The following CSGALNACT2 variants were observed in gnomAD, a reference collection of about 807,000 sequenced individuals.
CSGALNACT2 encodes the protein chondroitin sulfate N-acetylgalactosaminyltransferase 2.
CSGALNACT2 carries 35 observed loss-of-function variants against 55.3 expected under a neutral mutation model. The ratio of observed to expected loss-of-function variants is 0.63; its 90% confidence interval spans 0.48 to 0.84. CSGALNACT2 has a LOEUF of 0.84. CSGALNACT2 is among the 40% of genes least tolerant of loss of function. The pLI, the probability that CSGALNACT2 is intolerant of heterozygous loss-of-function variation, is 0.00. For missense variants in CSGALNACT2, 544 were observed against 657.5 expected (o/e 0.83, Z 1.89); for synonymous variants, 196 against 224.9 (o/e 0.87, Z 1.15).
intron 1 of CSGALNACT2, among the ~76,000 whole-genome samples, chr10:43,145,851 C>G (rs1460913500): frequency 6.6e-6 from 1 of 152,178 alleles, no homozygotes; most frequent in African/African-American, 2.4e-5. Context: ...AGGGGATTTA[C>G]AGACCTGGTC....
chr10:43,142,385 G>T (rs1422303311), intron 1 of CSGALNACT2, among the ~76,000 whole-genome samples: 1 of 151,932 alleles, frequency 6.6e-6, no homozygotes, highest in Non-Finnish European at 1.5e-5. Flanking sequence ...CTAATTTTTA[G>T]TAGAGACGGG....
Position 43,155,315 on chromosome 10 carries a change from T to C in CSGALNACT2, c.166T>C (p.Tyr56His), listed in dbSNP as rs1001338798. 1.2e-6 allele frequency: 2 copies of C among 1,614,002 alleles called. No individual in the cohort carries two copies. The highest frequency in any genetic ancestry group is 1.7e-6 in the Non-Finnish European group (2 of 1,180,020). ...TGTTGGGGAAAATTATGGTAAAGAG[T>C]ATTATCAAGCCCTCCTACAGGAACA... ...GVVGENYGKE[Y>H]YQALLQEQEE... The change falls in exon 2 of 8, where the codon TAT becomes CAT. Residue 56 changes from tyrosine (Y) to histidine (H), a missense_variant. Physicochemically the swap from Tyr to His is moderately conservative, Grantham distance 83. This residue lies in a region of CSGALNACT2 where 374 missense variants were observed against 401.3 expected (regional missense o/e 0.93). Transcript: ENST00000374466.
chr10:43,149,247 G>A (rs138200019), intron 1 of CSGALNACT2, among the ~76,000 whole-genome samples: 4,037 of 152,066 alleles, frequency 0.027, 147 homozygotes, highest in African/African-American at 0.087. Context: ...CACCACACCC[G>A]GCTAATTTTT....
intron 6 of CSGALNACT2, among the ~76,000 whole-genome samples, chr10:43,174,342 G>A (rs576844058): frequency 1.3e-5 from 2 of 152,204 alleles, no homozygotes; most frequent in Admixed American, 1.3e-4. Flanking sequence ...TTCAGACTGT[G>A]CCCACTCTTC....
At chr10:43,146,177 G>T (rs1838743378) in intron 1 of CSGALNACT2, among the ~76,000 whole-genome samples, 1 of 152,230 alleles carries the variant, frequency 6.6e-6, no homozygotes, top group Non-Finnish European at 1.5e-5. Context: ...AAGGAAGCCA[G>T]TGGTGGATCA....
chr10:43,172,327 G>A (rs907355772), intron 6 of CSGALNACT2, among the ~76,000 whole-genome samples: 2 of 151,392 alleles, frequency 1.3e-5, no homozygotes, highest in Non-Finnish European at 2.9e-5. Flanking sequence ...GCTAAAAAGC[G>A]GGAAATAGCG....
intron 6 of CSGALNACT2, among the ~76,000 whole-genome samples, chr10:43,168,601 C>T (rs1375763336): frequency 6.6e-6 from 1 of 151,844 alleles, no homozygotes; most frequent in Admixed American, 6.6e-5. Flanking sequence ...AATATTAGCA[C>T]CATATGATGT....
Position 43,138,547 on chromosome 10 carries a change from A to T in CSGALNACT2, c.-274A>T, listed in dbSNP as rs1285214633. The T allele has an allele frequency of 6.7e-6, 1 of 150,312 alleles. No individual in the cohort carries two copies. The highest frequency in any genetic ancestry group is 1.5e-5 in the Non-Finnish European group (1 of 67,496). 9.3% of individuals were successfully genotyped at this position (150,312 alleles called of 1,614,324 possible). On this transcript the variant is annotated 5_prime_UTR_variant, in exon 1 of 8. Coordinates refer to ENST00000374466, the MANE Select transcript of CSGALNACT2 (RefSeq NM_018590.5). ...GTCCCCGCGGCGCAGGAGGCGGTGG[A>T]GCGCAGAGCGGGCGAGCGCGGTGAG...
intron 1 of CSGALNACT2, among the ~76,000 whole-genome samples, chr10:43,150,132 G>C (rs1233723452): frequency 6.6e-6 from 1 of 152,108 alleles, no homozygotes; most frequent in Admixed American, 6.5e-5. Flanking sequence ...CTCTTGGCCT[G>C]GACTTTTCAT....
At chr10:43,142,867 G>A (rs1286595351) in intron 1 of CSGALNACT2, among the ~76,000 whole-genome samples, 4 of 152,172 alleles carry the variant, frequency 2.6e-5, no homozygotes, top group African/African-American at 9.7e-5. Flanking sequence ...TTCAGGTAGG[G>A]AAGCTAAAAT....
intron 4 of CSGALNACT2, chr10:43,162,914 T>C (rs758899732): frequency 3.0e-6 from 3 of 985,416 alleles, no homozygotes; most frequent in Non-Finnish European, 3.6e-6. Flanking sequence ...TCTCTTTGCC[T>C]TTAGGATACT....
At chr10:43,148,749 T>C (rs1323902202) in intron 1 of CSGALNACT2, among the ~76,000 whole-genome samples, 1 of 152,228 alleles carries the variant, frequency 6.6e-6, no homozygotes, top group East Asian at 1.9e-4. Flanking sequence ...TACAACTGGC[T>C]GAACTCATTT....
chr10:43,180,312 T>C (rs1467130047), intron 7 of CSGALNACT2, among the ~76,000 whole-genome samples: 1 of 152,236 alleles, frequency 6.6e-6, no homozygotes, highest in Non-Finnish European at 1.5e-5. Flanking sequence ...TCAGTCTTTT[T>C]TTTTCTTTGA....
chr10:43,176,807 T>C (rs1320774933), intron 7 of CSGALNACT2, among the ~76,000 whole-genome samples: 1 of 152,202 alleles, frequency 6.6e-6, no homozygotes, highest in African/African-American at 2.4e-5. Context: ...GTTCAAGCAA[T>C]CTGCCCACCT....
At position 43,177,076 on chromosome 10, in the gene CSGALNACT2, G is replaced by C. The variant is rs114769767; in HGVS notation, c.1336+1044G>C. ...TTTGTTTTGGAAATCCCCCCACCTT[G>C]TCTCCTTATCATTGTAACACTTGAA... On this transcript the variant is annotated intron_variant, in intron 7 of 7. Transcript: ENST00000374466. Among the ~76,000 whole-genome samples, 863 of 152,112 alleles carry C rather than the reference G, an allele frequency of 5.7e-3. 11 individuals carry two copies. The highest frequency in any genetic ancestry group is 0.02 in the African/African-American group (821 of 41,492).
chr10:43,162,303 T>C, intron 4 of CSGALNACT2: 1 of 683,218 alleles, frequency 1.5e-6, no homozygotes, highest in Non-Finnish European at 2.4e-6. Flanking sequence ...CCAGCTCCAG[T>C]TGAGAAAATC....
chr10:43,159,335 A>G (rs11238457), intron 3 of CSGALNACT2, among the ~76,000 whole-genome samples: 4,445 of 151,124 alleles, frequency 0.029, 165 homozygotes, highest in East Asian at 0.097. Context: ...GTCTCACTCT[A>G]TCACCCAGGC....
intron 4 of CSGALNACT2, chr10:43,162,696 A>G: frequency 1.0e-6 from 1 of 985,050 alleles, no homozygotes; most frequent in African/African-American, 1.7e-5. Flanking sequence ...ACCCTAGTGC[A>G]GTGAGTGATT....
intron 2 of CSGALNACT2, among the ~76,000 whole-genome samples, chr10:43,156,942 A>C (rs1435751784): frequency 6.6e-6 from 1 of 152,186 alleles, no homozygotes; most frequent in Non-Finnish European, 1.5e-5. Flanking sequence ...TTTGACTCCA[A>C]ATCATCATGG....
Sources: allele counts gnomAD v4.1 joint callset (sites outside exome capture counted in the v4.1 genomes callset), GRCh38; gene constraint gnomAD v4.1.1; regional missense constraint gnomAD v4.1.1; transcripts MANE v1.5; gene names NCBI Gene and HGNC (gene_info 2026-07-23, HGNC 2026-07-21).